Variants in ZNF600 observed in about 807,000 individuals in gnomAD.
ZNF600 encodes the protein zinc finger protein 600, also known as zinc finger protein KR-ZNF1.
A neutral mutation model predicts 7.3 loss-of-function variants in ZNF600; 4 were observed. That is an observed-to-expected ratio of 0.55 (90% CI 0.27 to 1.25). ZNF600 has a LOEUF of 1.25. ZNF600 is among the 50% of genes most tolerant of loss of function. ZNF600 has a pLI of 0.12. For synonymous variants in ZNF600, 290 were observed against 308.9 expected (o/e 0.94, Z 0.64); for missense variants, 911 against 922.1 (o/e 0.99, Z 0.16).
chr19:52,798,832 G>T, the ZNF600 span: 1 of 1,054,352 alleles, frequency 9.5e-7, no homozygotes. Context: ...TGAAAACTTT[G>T]TGACAATCAT....
At chr19:52,781,198 T>C (rs569363282) in intron 1 of ZNF600, 119 bp downstream of exon 2, 1 of 152,026 alleles carries the variant, frequency 6.6e-6, no homozygotes, top group South Asian at 2.1e-4. Flanking sequence ...GGAATTCATT[T>C]AAAATTCGAG....
At chr19:52,833,423 A>G in the ZNF600 span, among the ~76,000 whole-genome samples, 1 of 152,150 alleles carries the variant, frequency 6.6e-6, no homozygotes, top group Non-Finnish European at 1.5e-5. Context: ...GAGGGCAGGC[A>G]TGGGTGAGTG....
chr19:52,813,421 C>T, the ZNF600 span, among the ~76,000 whole-genome samples: 1 of 148,224 alleles, frequency 6.7e-6, no homozygotes, highest in African/African-American at 2.6e-5. Context: ...GCAAGCTGCT[C>T]CCCGTGTTTC....
chr19:52,802,296 A>C, the ZNF600 span, among the ~76,000 whole-genome samples: 1 of 152,198 alleles, frequency 6.6e-6, no homozygotes, highest in Non-Finnish European at 1.5e-5. Flanking sequence ...GTTAAGCCAA[A>C]GGCAAAGGTT....
chr19:52,771,005 G>C (rs2062625901), intron 3 of ZNF600, among the ~76,000 whole-genome samples: 2 of 151,882 alleles, frequency 1.3e-5, no homozygotes, highest in Admixed American at 1.3e-4. Flanking sequence ...GGCTCATTTT[G>C]TATTTTTAGT....
At chr19:52,769,476 T>C (rs2062615469) in intron 3 of ZNF600, among the ~76,000 whole-genome samples, 1 of 152,190 alleles carries the variant, frequency 6.6e-6, no homozygotes, top group African/African-American at 2.4e-5. Context: ...GCCCCCTGTC[T>C]AGTGGACAGG....
chr19:52,770,317 C>T (rs1321017760), intron 3 of ZNF600, among the ~76,000 whole-genome samples: 3 of 152,124 alleles, frequency 2.0e-5, no homozygotes, highest in African/African-American at 7.2e-5. Flanking sequence ...TGGCAGACAC[C>T]TGTAATCTCA....
At chr19:52,800,056 G>A in the ZNF600 span, 1 of 1,614,160 alleles carries the variant, frequency 6.2e-7, no homozygotes, top group South Asian at 1.1e-5. Context: ...ACTCTCTGAT[G>A]TTGTGCCAGG....
At chr19:52,800,065 G>C in the ZNF600 span, 1 of 1,614,152 alleles carries the variant, frequency 6.2e-7, no homozygotes, top group Non-Finnish European at 8.5e-7. Flanking sequence ...TGTTGTGCCA[G>C]GTGTGAATCC....
the ZNF600 span, among the ~76,000 whole-genome samples, chr19:52,821,916 A>T: frequency 1.8e-5 from 2 of 110,750 alleles, no homozygotes; most frequent in Admixed American, 9.0e-5. Context: ...AAAAAAATAA[A>T]AAAATAAAAA....
chr19:52,802,302 A>T, the ZNF600 span, among the ~76,000 whole-genome samples: 1 of 152,206 alleles, frequency 6.6e-6, no homozygotes, highest in South Asian at 2.1e-4. Context: ...CCAAAGGCAA[A>T]GGTTGCTGTA....
At chr19:52,794,472 G>A in the ZNF600 span, among the ~76,000 whole-genome samples, 1 of 152,150 alleles carries the variant, frequency 6.6e-6, no homozygotes, top group African/African-American at 2.4e-5. Context: ...ATCCTGAGAA[G>A]CTCCGAGTTG....
rs761470456 is a variant in ZNF600 at position 52,766,710 on chromosome 19, TTA to T, written c.1251_1252del (p.His417GlnfsTer13). The T allele has an allele frequency of 1.9e-6, 3 of 1,612,070 alleles. No homozygotes were observed. The highest frequency in any genetic ancestry group is 1.7e-5 in the Admixed American group (1 of 59,788). On this transcript the variant is annotated frameshift_variant, in exon 4 of 4. Transcript: ENST00000648973. LOFTEE classifies it low-confidence loss of function (END_TRUNC). ...AGTTTTCTCTCCAGTGTGAATTCTT[TTA>T]TGTCTTGCCAGCTGAGAATTCCATG...
the ZNF600 span, among the ~76,000 whole-genome samples, chr19:52,803,053 A>T: frequency 6.6e-6 from 1 of 151,424 alleles, no homozygotes; most frequent in South Asian, 2.1e-4. Flanking sequence ...GAGCCACCGC[A>T]CACGGCCGAC....
At chr19:52,782,159 T>C (rs965618081) in intron 1 of ZNF600, among the ~76,000 whole-genome samples, 4 of 149,436 alleles carry the variant, frequency 2.7e-5, no homozygotes, top group African/African-American at 9.9e-5. Context: ...GCCCAGGAGG[T>C]TGCCGCTGCA....
the ZNF600 span, chr19:52,801,276 T>C: frequency 1.2e-6 from 2 of 1,614,024 alleles, no homozygotes; most frequent in Non-Finnish European, 1.7e-6. Context: ...TCCATACTTA[T>C]TAGAAATATG....
chr19:52,812,152 GC>G, the ZNF600 span, among the ~76,000 whole-genome samples: 2 of 125,804 alleles, frequency 1.6e-5, no homozygotes, highest in South Asian at 5.4e-4. Context: ...GGGGGGGTCA[GC>G]CCCCCGCCCG....
the ZNF600 span, among the ~76,000 whole-genome samples, chr19:52,804,431 C>T: frequency 6.6e-6 from 1 of 152,112 alleles, no homozygotes; most frequent in African/African-American, 2.4e-5. Flanking sequence ...AGTAGAGTAG[C>T]GTGATCTTGG....
intron 3 of ZNF600, among the ~76,000 whole-genome samples, chr19:52,772,815 CA>C (rs2062641146): frequency 1.3e-5 from 2 of 151,962 alleles, no homozygotes; most frequent in African/African-American, 4.8e-5. Flanking sequence ...AATGACCAGA[CA>C]CAGAAAATAC....
Sources: allele counts gnomAD v4.1 joint callset (sites outside exome capture counted in the v4.1 genomes callset), GRCh38; gene constraint gnomAD v4.1.1; transcripts MANE v1.5; gene names NCBI Gene and HGNC (gene_info 2026-07-23, HGNC 2026-07-21).